KEL: variants seen among roughly 807,000 people sequenced by gnomAD.
The protein encoded by KEL is kell blood group glycoprotein.
KEL carries 96 observed loss-of-function variants against 99.5 expected under a neutral mutation model. That is an observed-to-expected ratio of 0.97 (90% CI 0.82 to 1.14). KEL has a LOEUF of 1.14. Ranked by LOEUF, KEL falls within the 50% of genes most tolerant of loss-of-function variation. KEL has a pLI of 0.00. For missense variants in KEL, 926 were observed against 924.2 expected, an observed-to-expected ratio of 1.00 and a Z score of -0.03; for synonymous variants, 355 against 354.8, an observed-to-expected ratio of 1.00 and a Z score of -0.01.
At chr7:142,950,612 C>A (rs1185157733) in intron 10 of KEL, among the ~76,000 whole-genome samples, 1 of 152,250 alleles carries the variant, frequency 6.6e-6, no homozygotes, top group Admixed American at 6.5e-5. Flanking sequence ...CTCTTGGGAA[C>A]TCCAAGAATA....
At chr7:142,945,159 C>T (rs1052730088) in intron 11 of KEL, among the ~76,000 whole-genome samples, 2 of 152,206 alleles carry the variant, frequency 1.3e-5, no homozygotes, top group South Asian at 2.1e-4. Context: ...CCTCATCCTC[C>T]TGAGCTCTTC....
At chr7:142,948,691 G>T (rs8176062) in intron 10 of KEL, among the ~76,000 whole-genome samples, 2 of 152,084 alleles carry the variant, frequency 1.3e-5, no homozygotes, top group African/African-American at 2.4e-5. Context: ...TGGCTAAAAG[G>T]CTTATGTAAC....
intron 8 of KEL, 87 bp from the exon 9 acceptor site, chr7:142,954,043 G>C: frequency 6.5e-7 from 1 of 1,533,694 alleles, no homozygotes; most frequent in Admixed American, 1.7e-5. Context: ...AAAAAGAAGA[G>C]AACAGGCTAA....
chr7:142,941,722 G>A (rs1194535388), intron 18 of KEL, among the ~76,000 whole-genome samples: 1 of 152,052 alleles, frequency 6.6e-6, no homozygotes, highest in Non-Finnish European at 1.5e-5. Context: ...GGAGTACAGG[G>A]TGCTTAAGGA....
At chr7:142,943,746 C>G (rs557063253) in intron 14 of KEL, 37 bp downstream of exon 14, 20 of 1,583,448 alleles carry the variant, frequency 1.3e-5, no homozygotes, top group African/African-American at 1.1e-4. Context: ...ATGGGTCTCT[C>G]TGGGATGGAG....
intron 3 of KEL, 62 bp downstream of exon 3, chr7:142,961,298 G>A (rs1310647521): frequency 1.2e-6 from 2 of 1,608,496 alleles, no homozygotes; most frequent in Admixed American, 3.3e-5. Flanking sequence ...AGCAGGGACT[G>A]GGCCTGGGCC....
chr7:142,962,167 C>A (rs1206137524), intron 1 of KEL, 37 bp downstream of exon 1: 9 of 1,613,946 alleles, frequency 5.6e-6, no homozygotes, highest in Non-Finnish European at 6.8e-6. Flanking sequence ...ACCCTCACCC[C>A]TCCCCGCTAA....
chr7:142,948,065 A>C (rs955814817), intron 10 of KEL, among the ~76,000 whole-genome samples: 15 of 152,160 alleles, frequency 9.9e-5, no homozygotes, highest in Non-Finnish European at 1.5e-4. Context: ...GGAAGTGTAG[A>C]TCTGCCTATT....
chr7:142,957,892 G>A lies in KEL; in HGVS notation c.607C>T (p.His203Tyr), dbSNP rs1256206584. ...AGGTAGGCTCTGAAGAAAGGGAAAT[G>A]GCCATACTGACTCATCAGAAGTCTC... ...TLRLLMSQYG[H>Y]FPFFRAYLGP... The change falls in exon 6 of 19, where the codon CAT (histidine) becomes TAT (tyrosine). Residue 203 changes from histidine (H) to tyrosine (Y), a missense_variant. Transcript: ENST00000355265. 1.2e-5 allele frequency: 20 copies of A among 1,613,960 alleles called. No homozygotes were observed. The highest frequency in any genetic ancestry group is 1.7e-5 in the Non-Finnish European group (20 of 1,179,996).
chr7:142,954,042 A>G, intron 8 of KEL, 86 bp from the exon 9 acceptor site: 2 of 1,533,808 alleles, frequency 1.3e-6, no homozygotes, highest in Non-Finnish European at 1.8e-6. Context: ...GAAAAAGAAG[A>G]GAACAGGCTA....
chr7:142,944,598 A>G (rs750109845), intron 12 of KEL, 45 bp downstream of exon 12: 8 of 1,497,088 alleles, frequency 5.3e-6, no homozygotes, highest in South Asian at 1.1e-5. Context: ...CCAATACTCC[A>G]TTCCCTGCAC....
At chr7:142,943,727 G>A in intron 14 of KEL, 56 bp downstream of exon 14, 2 of 1,549,100 alleles carry the variant, frequency 1.3e-6, no homozygotes, top group Admixed American at 3.4e-5. Flanking sequence ...CCTTTCCTGT[G>A]AATCATGGAT....
chr7:142,945,948 T>A lies in KEL; in HGVS notation c.1314+259A>T. 2 of 557,416 alleles carry A rather than the reference T, an allele frequency of 3.6e-6. 1 individual carries two copies. Among genetic ancestry groups the A allele is most frequent in the South Asian group, 4.2e-5 (2 of 47,218 alleles). 34.5% of individuals were successfully genotyped at this position (557,416 alleles called of 1,614,324 possible). On this transcript the variant is annotated intron_variant, in intron 11 of 18. Transcript: ENST00000355265. ...TGGCTCGATTTTCTCATTTGATGGT[T>A]GAAGAAACACAAGACCAGGAAAGTT...
chr7:142,942,425 G>A lies in KEL; in HGVS notation c.2037+9C>T, dbSNP rs768921121. On this transcript the variant is annotated intron_variant, in intron 18 of 18. Transcript: ENST00000355265. ...AAGCAAGCTGTGGCGGGAGGTGGCC[G>A]CTGCCTACCTGGGCATAGCTTCGAA... 5.1e-6 allele frequency: 8 copies of A among 1,563,618 alleles called. No homozygotes were observed. Among genetic ancestry groups the A allele is most frequent in the Admixed American group, 1.9e-5 (1 of 53,552 alleles).
chr7:142,953,573 A>G (rs909400628), intron 9 of KEL, among the ~76,000 whole-genome samples: 37 of 151,898 alleles, frequency 2.4e-4, no homozygotes, highest in African/African-American at 9.0e-4. Flanking sequence ...TGCGTTCCTC[A>G]TGTCGTGTGT....
At chr7:142,946,490 A>C (rs998911325) in intron 10 of KEL, 173 bp from the exon 11 acceptor site, 1 of 645,938 alleles carries the variant, frequency 1.5e-6, no homozygotes. Context: ...GTACAAGAAA[A>C]GCACAGCTTC....
intron 13 of KEL, 121 bp from the exon 14 acceptor site, chr7:142,944,004 T>C (rs1416796887): frequency 3.7e-6 from 3 of 805,720 alleles, no homozygotes; most frequent in Non-Finnish European, 4.3e-6. Context: ...CATCCAGGGA[T>C]TAGGAGAGAG....
At chr7:142,943,681 A>G in intron 14 of KEL, 85 bp from the exon 15 acceptor site, 1 of 1,423,798 alleles carries the variant, frequency 7.0e-7, no homozygotes. Flanking sequence ...CCCAACTACC[A>G]TTACTGTTCA....
chr7:142,962,191 A>G lies in KEL; in HGVS notation c.3+13T>C. 6.2e-7 allele frequency: 1 copy of G among 1,614,074 alleles called. No individual in the cohort carries two copies. Among genetic ancestry groups the G allele is most frequent in the Non-Finnish European group, 8.5e-7 (1 of 1,179,982 alleles). ...CCTCCCCGCTAAGCCTCTGACTCCA[A>G]AAGGGGACTTACCATCTGTCTATCT... On this transcript the variant is annotated intron_variant, in intron 1 of 18. Coordinates refer to ENST00000355265, the MANE Select transcript of KEL (RefSeq NM_000420.3).
Sources: gnomAD v4.1 joint callset for allele counts (sites outside exome capture counted in the v4.1 genomes callset) on GRCh38, gnomAD v4.1.1 for gene constraint, MANE v1.5 for transcripts, NCBI Gene and HGNC (gene_info 2026-07-23, HGNC 2026-07-21) for gene names.